The following LARGE1 variants were observed in gnomAD, a reference collection of about 807,000 sequenced individuals.
LARGE1 encodes the protein xylosyl- and glucuronyltransferase LARGE1.
Under a neutral mutation model 87.6 loss-of-function variants are expected in LARGE1, and 43 were observed. The observed-to-expected ratio is 0.49, with a 90% confidence interval of 0.38 to 0.63. LARGE1 has a LOEUF of 0.63. Ranked by LOEUF, LARGE1 falls within the 30% of genes least tolerant of loss-of-function variation. LARGE1 has a pLI of 0.00. For missense variants in LARGE1, 802 were observed against 1,000.2 expected, an observed-to-expected ratio of 0.80 and a Z score of 2.67; for synonymous variants, 434 against 394.6, an observed-to-expected ratio of 1.10 and a Z score of -1.18.
intron 6 of LARGE1, among the ~76,000 whole-genome samples, chr22:33,455,757 CAAAAAAAAAAAA>C (rs35353034): frequency 1.6e-5 from 1 of 64,232 alleles, no homozygotes. Flanking sequence ...CTGTCTCAGC[CAAAAAAAAAAAA>C]AAAAAAAAAA....
intron 2 of LARGE1, chr22:33,656,841 C>T (rs2080974120): frequency 6.6e-6 from 1 of 152,224 alleles, no homozygotes; most frequent in Non-Finnish European, 1.5e-5. Flanking sequence ...GACTCTGAAT[C>T]TCTGAATCCA....
At chr22:33,324,749 G>A (rs1434266561) in intron 10 of LARGE1, among the ~76,000 whole-genome samples, 2 of 152,148 alleles carry the variant, frequency 1.3e-5, no homozygotes, top group Non-Finnish European at 2.9e-5. Context: ...TCACAGTTGC[G>A]CAAACTAAGG....
intron 11 of LARGE1, among the ~76,000 whole-genome samples, chr22:33,236,640 G>A (rs1029130024): frequency 9.2e-5 from 14 of 152,166 alleles, no homozygotes; most frequent in African/African-American, 3.1e-4. Context: ...TTGAACTCAA[G>A]CTTTGACAAT....
chr22:33,565,316 T>C (rs2077989883), intron 5 of LARGE1, among the ~76,000 whole-genome samples: 1 of 152,140 alleles, frequency 6.6e-6, no homozygotes, highest in Admixed American at 6.5e-5. Flanking sequence ...TTATAGAAAT[T>C]AAATAGATCC....
chr22:33,343,692 G>C (rs1939420444), intron 9 of LARGE1, among the ~76,000 whole-genome samples: 2 of 152,058 alleles, frequency 1.3e-5, no homozygotes, highest in African/African-American at 4.8e-5. Flanking sequence ...ACCTGGTATG[G>C]TGATTTCTAT....
At chr22:33,283,172 C>T (rs1257906116) in intron 13 of LARGE1, 30 bp downstream of exon 13, 2 of 1,613,496 alleles carry the variant, frequency 1.2e-6, no homozygotes, top group African/African-American at 2.7e-5. Context: ...CTTCGAGCAC[C>T]CCCAGAGTAC....
intron 6 of LARGE1, among the ~76,000 whole-genome samples, chr22:33,549,160 C>T (rs1247794913): frequency 6.6e-6 from 1 of 152,214 alleles, no homozygotes; most frequent in East Asian, 1.9e-4. Flanking sequence ...ACCCTGCATA[C>T]ATACCTCTGC....
At chr22:33,367,132 T>C (rs1389310769) in intron 9 of LARGE1, among the ~76,000 whole-genome samples, 1 of 151,152 alleles carries the variant, frequency 6.6e-6, no homozygotes, top group Non-Finnish European at 1.5e-5. Context: ...ATTTTTTTTT[T>C]CAATTCTGCT....
intron 6 of LARGE1, among the ~76,000 whole-genome samples, chr22:33,438,855 T>C (rs1261640662): frequency 6.6e-6 from 1 of 152,178 alleles, no homozygotes; most frequent in African/African-American, 2.4e-5. Flanking sequence ...AGTTTCCTTA[T>C]CATAAAAGGT....
the LARGE1 span, among the ~76,000 whole-genome samples, chr22:33,119,405 A>G: frequency 6.6e-6 from 1 of 152,112 alleles, no homozygotes; most frequent in African/African-American, 2.4e-5. Context: ...GAATACTAGC[A>G]AATATTTTAG....
At chr22:33,133,532 G>A in the LARGE1 span, among the ~76,000 whole-genome samples, 1 of 152,260 alleles carries the variant, frequency 6.6e-6, no homozygotes, top group Non-Finnish European at 1.5e-5. Flanking sequence ...TGACTGCATA[G>A]TATTCCATGG....
intron 1 of LARGE1, among the ~76,000 whole-genome samples, chr22:33,834,629 C>T (rs1387949234): frequency 6.6e-6 from 1 of 152,218 alleles, no homozygotes; most frequent in Non-Finnish European, 1.5e-5. Context: ...GATTAAAAAG[C>T]TTTATTGCTC....
At chr22:33,778,635 C>T (rs1489365679) in intron 1 of LARGE1, among the ~76,000 whole-genome samples, 1 of 152,088 alleles carries the variant, frequency 6.6e-6, no homozygotes, top group Admixed American at 6.6e-5. Flanking sequence ...ATCCATGTTG[C>T]AGCACATGTC....
intron 6 of LARGE1, among the ~76,000 whole-genome samples, chr22:33,557,834 T>C (rs1353265772): frequency 1.3e-5 from 2 of 152,154 alleles, no homozygotes; most frequent in Non-Finnish European, 2.9e-5. Flanking sequence ...CCTGAAGTGC[T>C]GGGATTATGG....
intron 11 of LARGE1, among the ~76,000 whole-genome samples, chr22:33,201,880 A>G (rs149349392): frequency 0.03 from 4,640 of 152,250 alleles, 96 homozygotes; most frequent in Admixed American, 0.057. Context: ...GCTCATGCCT[A>G]TAATCCCAGC....
At chr22:33,670,044 CA>C in intron 2 of LARGE1, among the ~76,000 whole-genome samples, 1 of 152,268 alleles carries the variant, frequency 6.6e-6, no homozygotes, top group Middle Eastern at 3.4e-3. Context: ...CAGGATTTTA[CA>C]AAAACTCTTC....
chr22:33,549,314 A>T (rs2077453523), intron 6 of LARGE1, among the ~76,000 whole-genome samples: 1 of 152,206 alleles, frequency 6.6e-6, no homozygotes. Context: ...AGGAGGAAAA[A>T]AAAGTTGTGT....
intron 7 of LARGE1, among the ~76,000 whole-genome samples, chr22:33,424,642 A>G (rs2066810597): frequency 6.6e-6 from 1 of 151,710 alleles, no homozygotes; most frequent in African/African-American, 2.4e-5. Flanking sequence ...CTGAGCAACA[A>G]AGTGAGACCC....
At chr22:33,714,343 G>A (rs752960819) in intron 2 of LARGE1, among the ~76,000 whole-genome samples, 1 of 152,192 alleles carries the variant, frequency 6.6e-6, no homozygotes, top group African/African-American at 2.4e-5. Context: ...GATAAGGCTG[G>A]TTCAACCCTC....
Sources: gnomAD v4.1 joint callset for allele counts (sites outside exome capture counted in the v4.1 genomes callset) on GRCh38, gnomAD v4.1.1 for gene constraint, MANE v1.5 for transcripts, NCBI Gene and HGNC (gene_info 2026-07-23, HGNC 2026-07-21) for gene names.